The following FBXO33 variants were observed in gnomAD, a reference collection of about 807,000 sequenced individuals.
FBXO33 encodes the protein F-box only protein 33.
In FBXO33, 22 loss-of-function variants were observed where a neutral mutation model predicts 46.3. The observed-to-expected ratio is 0.48, with a 90% CI of 0.34 to 0.68. The LOEUF (loss-of-function observed/expected upper bound fraction) is 0.68, where lower values mean the gene tolerates loss of function less well. Ranked by LOEUF, FBXO33 falls within the 30% of genes least tolerant of loss-of-function variation. FBXO33 has a pLI of 0.01. For synonymous variants in FBXO33, 337 were observed against 291.3 expected (o/e 1.16, Z -1.60); for missense variants, 692 against 708.8 (o/e 0.98, Z 0.27).
chr14:39,401,447 C>T lies in FBXO33; in HGVS notation c.1125G>A (p.Met375Ile), dbSNP rs756852751. ...RKSTSFRVYIMAFDIKSEDML... is the reference protein window; with the variant it reads ...RKSTSFRVYIIAFDIKSEDML... ...TATCTTCACTCTTGATATCAAAAGC[C>T]ATTATATAGACCCGAAAGCTGGTGC... is the stretch of plus-strand genomic sequence containing the variant. Residue 375 changes from methionine (M) to isoleucine (I), a missense_variant, in exon 3 of 4, where the codon ATG becomes ATA. Met to Ile is a conservative substitution (Grantham distance 10, BLOSUM62 1). This residue lies in a region of FBXO33 where 186 missense variants were observed against 246.1 expected (regional missense o/e 0.76). Transcript: ENST00000298097. The T allele has an allele frequency of 1.1e-5, 18 of 1,614,086 alleles. No individual in the cohort carries two copies. In the South Asian group the frequency reaches 2.0e-4, roughly 18 times the overall value.
At chr14:39,402,292 T>C (rs2075372312) in intron 2 of FBXO33, 109 bp downstream of exon 2, 1 of 510,110 alleles carries the variant, frequency 2.0e-6, no homozygotes, top group Admixed American at 3.9e-5. Flanking sequence ...CCAGGACCTA[T>C]GTTCCTTTTA....
chr14:39,398,671 G>C lies in FBXO33; in HGVS notation c.*845C>G, dbSNP rs1239069074. 1.3e-5 allele frequency: 2 copies of C among 152,582 alleles called. No individual in the cohort carries two copies. The allele number at this position is 152,582 out of a possible 1,614,324, so 9.5% of individuals were successfully genotyped here. On this transcript the variant is annotated 3_prime_UTR_variant, in exon 4 of 4. Transcript: ENST00000298097. ...GGCAGCTGACACGCGTGCTGACAGA[G>C]AAAAATCCAGTGACTTGTTGCTAGG...
At chr14:39,425,865 C>G (rs1451684796) in intron 1 of FBXO33, among the ~76,000 whole-genome samples, 1 of 152,132 alleles carries the variant, frequency 6.6e-6, no homozygotes, top group Non-Finnish European at 1.5e-5. Flanking sequence ...ATTTAAATAG[C>G]TATCTGTAGC....
chr14:39,409,191 G>C (rs1026216159), intron 1 of FBXO33, among the ~76,000 whole-genome samples: 5 of 152,012 alleles, frequency 3.3e-5, no homozygotes, highest in Non-Finnish European at 4.4e-5. Flanking sequence ...TTCCCCCTAT[G>C]TTTTCTGTGA....
intron 1 of FBXO33, among the ~76,000 whole-genome samples, chr14:39,428,593 T>C (rs12588110): frequency 0.27 from 40,950 of 152,008 alleles, 5,767 homozygotes; most frequent in East Asian, 0.51. Flanking sequence ...ATACAGCCCA[T>C]AGAAGCATAA....
At chr14:39,407,221 G>C (rs1194028494) in intron 1 of FBXO33, among the ~76,000 whole-genome samples, 1 of 152,204 alleles carries the variant, frequency 6.6e-6, no homozygotes, top group African/African-American at 2.4e-5. Flanking sequence ...AGAAGTATCA[G>C]TCCTATACAC....
chr14:39,417,049 A>G (rs1291124506), intron 1 of FBXO33, among the ~76,000 whole-genome samples: 1 of 152,092 alleles, frequency 6.6e-6, no homozygotes, highest in African/African-American at 2.4e-5. Context: ...CCAGTCCTTT[A>G]GTAGGTGGCA....
chr14:39,418,786 A>C (rs539027164), intron 1 of FBXO33, among the ~76,000 whole-genome samples: 27 of 135,354 alleles, frequency 2.0e-4, no homozygotes, highest in African/African-American at 7.5e-4. Flanking sequence ...AAAAAAAAAA[A>C]AAACAAAAAA....
chr14:39,427,821 G>A (rs1004887894), intron 1 of FBXO33, among the ~76,000 whole-genome samples: 1 of 152,110 alleles, frequency 6.6e-6, no homozygotes, highest in African/African-American at 2.4e-5. Context: ...GGTGGTGCAT[G>A]CCTGTAGTCC....
chr14:39,401,530 G>A lies in FBXO33; in HGVS notation c.1042C>T (p.His348Tyr), dbSNP rs2075368595. 1 of 1,614,026 alleles carries A rather than the reference G, an allele frequency of 6.2e-7. No individual in the cohort carries two copies. Among genetic ancestry groups the A allele is most frequent in the Non-Finnish European group, 8.5e-7 (1 of 1,180,026 alleles). ...TTTGGCATGTTGTCCAGAGACTTGT[G>A]CATTACAGAAACATTGTGAACCAGA... The part of the protein sequence containing the change: ...SLLVHNVSVM[H>Y]KSLDNMPNDE... Residue 348 changes from histidine to tyrosine, a missense_variant, in exon 3 of 4, where the codon CAC (histidine) becomes TAC (tyrosine). Coordinates refer to ENST00000298097, the MANE Select transcript of FBXO33 (RefSeq NM_203301.4).
intron 1 of FBXO33, among the ~76,000 whole-genome samples, chr14:39,420,582 T>C (rs986656235): frequency 2.0e-5 from 3 of 151,976 alleles, no homozygotes; most frequent in African/African-American, 7.3e-5. Flanking sequence ...TCCCAGCCAC[T>C]TGGGAGGCTG....
chr14:39,402,416 C>A lies in FBXO33; in HGVS notation c.695G>T (p.Gly232Val). Residue 232 changes from glycine to valine, a missense_variant, in exon 2 of 4, where the codon GGC becomes GTC. By Grantham distance (109) the Gly-to-Val change is moderately radical. Transcript: ENST00000298097. ...NTYLSKVDPDGKKIKQIQQLF... is the reference protein window; with the variant it reads ...NTYLSKVDPDVKKIKQIQQLF... ...TATAACTTACTGTTTAATTTTTTTGCCATCAGGGTCCACCTTGCTGAGGTA... is the reference window on the plus strand; with the variant it reads ...TATAACTTACTGTTTAATTTTTTTGACATCAGGGTCCACCTTGCTGAGGTA... 6.4e-7 allele frequency: 1 copy of A among 1,565,014 alleles called. No homozygotes were observed. The highest frequency in any genetic ancestry group is 8.7e-7 in the Non-Finnish European group (1 of 1,155,032).
Position 39,431,806 on chromosome 14 carries a change from G to C in FBXO33, c.357C>G (p.Pro119=), listed in dbSNP as rs2075556484. 6.2e-7 allele frequency: 1 copy of C among 1,611,218 alleles called. No individual in the cohort carries two copies. Among genetic ancestry groups the C allele is most frequent in the Admixed American group, 1.7e-5 (1 of 59,956 alleles). Residue 119 remains proline (P), a synonymous_variant, in exon 1 of 4, where the codon CCC becomes CCG. Transcript: ENST00000298097. The part of the protein sequence containing the change: ...PQLRICLRVS[P]AEQPRLEFLM... ...GGAATTCCAGCCGAGGCTGCTCCGC[G>C]GGCGAGACGCGGAGGCAGATGCGGA...
At chr14:39,431,116 T>C (rs1275519003) in intron 1 of FBXO33, among the ~76,000 whole-genome samples, 1 of 151,616 alleles carries the variant, frequency 6.6e-6, no homozygotes, top group African/African-American at 2.4e-5. Context: ...TTAGGCAGCG[T>C]CCTATGAGTA....
intron 1 of FBXO33, among the ~76,000 whole-genome samples, chr14:39,431,068 C>A (rs2075544323): frequency 6.6e-6 from 1 of 152,206 alleles, no homozygotes; most frequent in Non-Finnish European, 1.5e-5. Flanking sequence ...TTAGCCGAAA[C>A]TATTTCTGGT....
intron 1 of FBXO33, among the ~76,000 whole-genome samples, chr14:39,403,803 C>CT (rs36096381): frequency 2.0e-3 from 270 of 138,454 alleles, no homozygotes; most frequent in Middle Eastern, 3.8e-3. Flanking sequence ...AATACCATTT[C>CT]TTTTTTTTTT....
chr14:39,401,955 AT>A (rs36065920), intron 2 of FBXO33, 94 bp from the exon 3 acceptor site: 334,299 of 969,494 alleles, frequency 0.34, 63,029 homozygotes, highest in Non-Finnish European at 0.39. Context: ...AAAGCATGCA[AT>A]TTTGAGATCT....
chr14:39,402,001 C>T, intron 2 of FBXO33, 140 bp from the exon 3 acceptor site: 1 of 639,510 alleles, frequency 1.6e-6, no homozygotes, highest in Non-Finnish European at 2.7e-6. Flanking sequence ...ATTCAACCCA[C>T]AGTAAATACC....
At chr14:39,423,992 C>A (rs904690929) in intron 1 of FBXO33, among the ~76,000 whole-genome samples, 2 of 152,156 alleles carry the variant, frequency 1.3e-5, no homozygotes, top group Non-Finnish European at 2.9e-5. Flanking sequence ...TCTATTGTTT[C>A]TATTTTTATA....
Sources: allele counts gnomAD v4.1 joint callset (sites outside exome capture counted in the v4.1 genomes callset), GRCh38; gene constraint gnomAD v4.1.1; regional missense constraint gnomAD v4.1.1; transcripts MANE v1.5; gene names NCBI Gene and HGNC (gene_info 2026-07-23, HGNC 2026-07-21).